The following ZNF17 variants were observed in gnomAD, a reference collection of about 807,000 sequenced individuals.
ZNF17 encodes zinc finger protein 17.
Under a neutral mutation model 7.7 loss-of-function variants are expected in ZNF17, and 4 were observed. That is an observed-to-expected ratio of 0.52 (90% CI 0.26 to 1.20). The LOEUF (loss-of-function observed/expected upper bound fraction) is 1.20, where lower values mean the gene tolerates loss of function less well. Among genes scored for constraint, ZNF17 ranks in the 50% most tolerant of loss-of-function variants. The pLI is 0.14. For synonymous variants in ZNF17, 249 were observed against 258.8 expected, an observed-to-expected ratio of 0.96 and a Z score of 0.36; for missense variants, 738 against 799.5, an observed-to-expected ratio of 0.92 and a Z score of 0.93.
At position 57,420,579 on chromosome 19, in the gene ZNF17, T is replaced by C; in HGVS notation, c.1093T>C (p.Cys365Arg). The change falls in exon 4 of 4, where the codon TGT (cysteine) becomes CGT (arginine). Residue 365 changes from cysteine to arginine, a missense_variant. By Grantham distance (180) the Cys-to-Arg change is radical (BLOSUM62 -3). This residue lies in a region of ZNF17 where 616 missense variants were observed against 663.9 expected (regional missense o/e 0.93). Coordinates refer to ENST00000307658, the MANE Select transcript of ZNF17 (RefSeq NM_001330617.2). Reference sequence around the variant, plus strand: ...AGAAAGGCCTTTTTATTGCTGTGAATGTGGGAAATTCTTTATGGACAGCTG... The same window carrying C: ...AGAAAGGCCTTTTTATTGCTGTGAACGTGGGAAATTCTTTATGGACAGCTG... ...TGERPFYCCE[C>R]GKFFMDSCTL... 2 of 1,614,204 alleles carry C rather than the reference T, an allele frequency of 1.2e-6. No individual in the cohort carries two copies. The highest frequency in any genetic ancestry group is 1.7e-6 in the Non-Finnish European group (2 of 1,179,992).
intron 1 of ZNF17, chr19:57,413,363 T>C: frequency 1.9e-6 from 1 of 533,608 alleles, no homozygotes; most frequent in Non-Finnish European, 3.4e-6. Context: ...GTACTACTTA[T>C]ATTTGATGCC....
chr19:57,411,825 G>C (rs1209724271), intron 1 of ZNF17, among the ~76,000 whole-genome samples: 1 of 152,216 alleles, frequency 6.6e-6, no homozygotes, highest in Non-Finnish European at 1.5e-5. Context: ...TGGGCCAGAG[G>C]GGTTGCAGTA....
chr19:57,413,596 G>T lies in ZNF17; in HGVS notation c.-20G>T, dbSNP rs1178256462. The T allele has an allele frequency of 2.0e-6, 3 of 1,535,980 alleles. No individual in the cohort carries two copies. Among genetic ancestry groups the T allele is most frequent in the Non-Finnish European group, 2.6e-6 (3 of 1,146,908 alleles). The stretch of plus-strand genomic sequence containing the variant: ...CCTCATGGCCTGCCTCTTCCCACAG[G>T]GTTCATAGCAGTGGCAGCAATGCTT... On this transcript the variant is annotated splice_region_variant and 5_prime_UTR_variant, in exon 2 of 4. Coordinates refer to ENST00000307658, the MANE Select transcript of ZNF17 (RefSeq NM_001330617.2).
At chr19:57,411,761 T>C in intron 1 of ZNF17, 3 of 969,942 alleles carry the variant, frequency 3.1e-6, no homozygotes, top group Non-Finnish European at 3.8e-6. Context: ...AAAAACAGGA[T>C]GTTAAACCAG....
chr19:57,413,536 A>C (rs1010327249), intron 1 of ZNF17, 60 bp from the exon 2 acceptor site: 3 of 1,525,498 alleles, frequency 2.0e-6, no homozygotes, highest in Non-Finnish European at 2.6e-6. Flanking sequence ...GTGGTTGTAC[A>C]GTCAGCCTGT....
At position 57,420,410 on chromosome 19, in the gene ZNF17, AT is replaced by A; in HGVS notation, c.925del (p.Cys309ValfsTer151). 1 of 1,614,208 alleles carries A rather than the reference AT, an allele frequency of 6.2e-7. No individual in the cohort carries two copies. ...GGCCAAGGCCTTATGTGTGTAGTGA[AT>A]GTGGGAAGGCCTTCCTTACACAGGC... Reference protein sequence around the residue: ...TRPRPYVCSECGKAFLTQAHL... With the variant: ...TRPRPYVCSEXGKAFLTQAHL... On this transcript the variant is annotated frameshift_variant, in exon 4 of 4. Transcript: ENST00000307658. LOFTEE classifies it low-confidence loss of function (END_TRUNC).
Position 57,420,202 on chromosome 19 carries a change from A to G in ZNF17, c.716A>G (p.Gln239Arg). Reference protein sequence around the residue: ...FRYNSDLIKHQRNHTGERPYK... With the variant: ...FRYNSDLIKHRRNHTGERPYK... ...TACAACTCCGACCTTATTAAACATCAGCGAAATCATACTGGAGAAAGGCCT... is the reference window on the plus strand; with the variant it reads ...TACAACTCCGACCTTATTAAACATCGGCGAAATCATACTGGAGAAAGGCCT... The change falls in exon 4 of 4, where the codon CAG becomes CGG. Residue 239 changes from glutamine to arginine, a missense_variant. Physicochemically the swap from Gln to Arg is conservative, Grantham distance 43. Transcript: ENST00000307658. The G allele has an allele frequency of 1.2e-6, 2 of 1,613,210 alleles. No individual in the cohort carries two copies. Among genetic ancestry groups the G allele is most frequent in the Non-Finnish European group, 1.7e-6 (2 of 1,179,152 alleles).
chr19:57,421,020 C>T lies in ZNF17; in HGVS notation c.1534C>T (p.Arg512Cys), dbSNP rs933172572. Reference sequence around the variant, plus strand: ...CATTTGTGGGAAATCCTTTAGATGTCGCTCCACACTTGATACACATCAGAG... The same window carrying T: ...CATTTGTGGGAAATCCTTTAGATGTTGCTCCACACTTGATACACATCAGAG... Reference protein sequence around the residue: ...CSICGKSFRCRSTLDTHQRIH... With the variant: ...CSICGKSFRCCSTLDTHQRIH... The change falls in exon 4 of 4, where the codon CGC becomes TGC. Residue 512 changes from arginine to cysteine, a missense_variant. Around this residue, in one of 3 missense-constraint regions of ZNF17, gnomAD observed 616 missense variants for 663.9 expected, o/e 0.93. Coordinates refer to ENST00000307658, the MANE Select transcript of ZNF17 (RefSeq NM_001330617.2). 7 of 1,613,640 alleles carry T rather than the reference C, an allele frequency of 4.3e-6. No homozygotes were observed. The highest frequency in any genetic ancestry group is 2.7e-5 in the African/African-American group (2 of 74,796).
chr19:57,418,890 T>G (rs2088828954), intron 3 of ZNF17, among the ~76,000 whole-genome samples: 1 of 145,476 alleles, frequency 6.9e-6, no homozygotes, highest in Non-Finnish European at 1.5e-5. Flanking sequence ...TTTGTTTTTT[T>G]TTTGTTTTTG....
chr19:57,416,871 A>G (rs1215077509), intron 2 of ZNF17, among the ~76,000 whole-genome samples: 1 of 152,056 alleles, frequency 6.6e-6, no homozygotes, highest in Admixed American at 6.6e-5. Context: ...TCTATACTGG[A>G]GTCAGTGATC....
intron 2 of ZNF17, among the ~76,000 whole-genome samples, chr19:57,416,455 C>T (rs1381572546): frequency 3.9e-5 from 6 of 151,938 alleles, no homozygotes; most frequent in Non-Finnish European, 8.8e-5. Flanking sequence ...CTGGGTGACT[C>T]TAGGGAAATT....
intron 2 of ZNF17, among the ~76,000 whole-genome samples, chr19:57,414,190 TG>T (rs1568537332): frequency 6.6e-6 from 1 of 151,670 alleles, no homozygotes; most frequent in Non-Finnish European, 1.5e-5. Flanking sequence ...CCCGCCACCA[TG>T]CCCGGCTAAT....
chr19:57,421,244 C>T lies in ZNF17; in HGVS notation c.1758C>T (p.Cys586=), dbSNP rs1167464747. The T allele has an allele frequency of 6.2e-7, 1 of 1,613,966 alleles. No individual in the cohort carries two copies. Among genetic ancestry groups the T allele is most frequent in the Non-Finnish European group, 8.5e-7 (1 of 1,179,996 alleles). The change falls in exon 4 of 4, where the codon TGC becomes TGT. Residue 586 remains cysteine (C), a synonymous_variant. Transcript: ENST00000307658. ...KVHTRERTYK[C]SKCGKFFMDS... is the part of the protein sequence containing the mutation. The stretch of plus-strand genomic sequence containing the variant: ...ACACTAGGGAAAGAACTTACAAATG[C>T]AGCAAATGTGGGAAATTTTTTATGG...
At position 57,418,058 on chromosome 19, in the gene ZNF17, G is replaced by A. The variant is rs202180997; in HGVS notation, c.148+20G>A. ...CAGTAGGTAAGGCCCTGACACCTACGTCAGTGTCTTGTGCTGGGCAATGTT... is the reference window on the plus strand; with the variant it reads ...CAGTAGGTAAGGCCCTGACACCTACATCAGTGTCTTGTGCTGGGCAATGTT... On this transcript the variant is annotated intron_variant, in intron 3 of 3. Transcript: ENST00000307658. 44 of 1,607,896 alleles carry A rather than the reference G, an allele frequency of 2.7e-5. No homozygotes were observed. In the South Asian group the frequency reaches 3.3e-4, roughly 12 times the overall value.
chr19:57,411,449 G>T (rs747124228), intron 1 of ZNF17, 43 bp downstream of exon 1: 4 of 1,603,428 alleles, frequency 2.5e-6, no homozygotes, highest in Admixed American at 3.4e-5. Flanking sequence ...TCCCTCCTCC[G>T]AGTGCCGAAG....
chr19:57,412,267 CAG>C (rs1244642021), intron 1 of ZNF17, among the ~76,000 whole-genome samples: 1 of 152,058 alleles, frequency 6.6e-6, no homozygotes, highest in African/African-American at 2.4e-5. Flanking sequence ...GAAGGTCATC[CAG>C]ACTAGTGGGG....
chr19:57,411,724 G>A, intron 1 of ZNF17: 1 of 1,211,682 alleles, frequency 8.3e-7, no homozygotes, highest in Non-Finnish European at 1.0e-6. Flanking sequence ...GAAGGGTTAT[G>A]CCCAGAGGTA....
intron 2 of ZNF17, among the ~76,000 whole-genome samples, chr19:57,415,944 G>A (rs1052274311): frequency 2.6e-5 from 4 of 152,080 alleles, no homozygotes. Context: ...TAGTCCTGGG[G>A]TGGGGATGGT....
At chr19:57,414,268 C>T (rs561041987) in intron 2 of ZNF17, among the ~76,000 whole-genome samples, 66 of 151,296 alleles carry the variant, frequency 4.4e-4, no homozygotes, top group African/African-American at 1.5e-3. Flanking sequence ...CTCTTGACCT[C>T]GTGATCTGCC....
Sources: gnomAD v4.1 joint callset for allele counts (sites outside exome capture counted in the v4.1 genomes callset) on GRCh38, gnomAD v4.1.1 for gene constraint, gnomAD v4.1.1 regional missense constraint, MANE v1.5 for transcripts, NCBI Gene and HGNC (gene_info 2026-07-23, HGNC 2026-07-21) for gene names.